The following ICMT variants were observed in gnomAD, a reference collection of about 807,000 sequenced individuals.
ICMT encodes the protein isoprenylcysteine carboxyl methyltransferase.
Under a neutral mutation model 32.2 loss-of-function variants are expected in ICMT, and 10 were observed. The observed-to-expected ratio is 0.31, with a 90% CI of 0.19 to 0.53. The LOEUF is 0.53. ICMT is among the 20% of genes least tolerant of loss of function. The probability of loss-of-function intolerance (pLI) is 0.96; values close to 1 mark genes in which losing one functional copy is unlikely to be tolerated. For synonymous variants in ICMT, 183 were observed against 158.2 expected (o/e 1.16, Z -1.18); for missense variants, 265 against 356.9 (o/e 0.74, Z 2.07).
intron 4 of ICMT, among the ~76,000 whole-genome samples, chr1:6,226,252 T>C (rs1049553420): frequency 6.6e-6 from 1 of 152,020 alleles, no homozygotes; most frequent in Non-Finnish European, 1.5e-5. Flanking sequence ...AAAAATTAGC[T>C]GGGCGTAGTG....
At chr1:6,227,080 A>G (rs928816622) in intron 4 of ICMT, among the ~76,000 whole-genome samples, 2 of 152,250 alleles carry the variant, frequency 1.3e-5, no homozygotes, top group Non-Finnish European at 2.9e-5. Flanking sequence ...TATTGAAATA[A>G]TAAGATAGAA....
rs548469569 is a variant in ICMT, at chr1:6,221,893, T to G, written c.*3187A>C. ...GGTAGCTTTGTTCTGACAGTACCTA[T>G]TTTCCACTTCAGAATCTCCACTTTA... On this transcript the variant is annotated 3_prime_UTR_variant, in exon 5 of 5. Coordinates refer to ENST00000343813, the MANE Select transcript of ICMT (RefSeq NM_012405.4). The G allele has an allele frequency of 6.6e-6, 1 of 152,220 alleles. No homozygotes were observed. Among genetic ancestry groups the G allele is most frequent in the Non-Finnish European group, 1.5e-5 (1 of 68,044 alleles). 9.4% of individuals were successfully genotyped at this position (152,220 alleles called of 1,614,324 possible).
chr1:6,224,339 C>G lies in ICMT; in HGVS notation c.*741G>C, dbSNP rs1668606637. The G allele has an allele frequency of 6.6e-6, 1 of 152,274 alleles. No homozygotes were observed. The highest frequency in any genetic ancestry group is 1.5e-5 in the Non-Finnish European group (1 of 68,028). 9.4% of individuals were successfully genotyped at this position (152,274 alleles called of 1,614,324 possible). A position where few individuals can be genotyped will look rare whatever the true frequency, so the allele number is the denominator to read the frequency against. On this transcript the variant is annotated 3_prime_UTR_variant, in exon 5 of 5. Transcript: ENST00000343813. Reference sequence around the variant, plus strand: ...GAGCTGAGACCCCCGGGAAAGCCAGCCAGGGCCATGATCCCCTTGGCCTGG... The same window carrying G: ...GAGCTGAGACCCCCGGGAAAGCCAGGCAGGGCCATGATCCCCTTGGCCTGG...
rs1668593822 is a variant in ICMT at position 6,223,507 on chromosome 1, AT to A, written c.*1572del. ...GCCATGAAATCTAGAAATAAGTCAT[AT>A]TTCTGAGTTGATAAAATGCTTTTCT... On this transcript the variant is annotated 3_prime_UTR_variant, in exon 5 of 5. Transcript: ENST00000343813. 6.6e-6 allele frequency: 1 copy of A among 152,432 alleles called. No individual in the cohort carries two copies. Among genetic ancestry groups the A allele is most frequent in the African/African-American group, 2.4e-5 (1 of 41,464 alleles). 9.4% of individuals were successfully genotyped at this position (152,432 alleles called of 1,614,324 possible).
Position 6,235,881 on chromosome 1 carries a change from C to T in ICMT, c.31G>A (p.Gly11Ser). The T allele has an allele frequency of 1.8e-6, 2 of 1,138,382 alleles. No homozygotes were observed. The highest frequency in any genetic ancestry group is 4.9e-5 in the Admixed American group (1 of 20,440). 70.5% of individuals were successfully genotyped at this position (1,138,382 alleles called of 1,614,324 possible). A position where few individuals can be genotyped will look rare whatever the true frequency, so the allele number is the denominator to read the frequency against. Residue 11 changes from glycine to serine, a missense_variant, in exon 1 of 5, where the codon GGC (glycine) becomes AGC (serine). By Grantham distance (56) the Gly-to-Ser change is moderately conservative. This residue lies in a region of ICMT where 99 missense variants were observed against 92.6 expected (regional missense o/e 1.07). Coordinates refer to ENST00000343813, the MANE Select transcript of ICMT (RefSeq NM_012405.4). Reference protein sequence around the residue: MAGCAARAPPGSEARLSLATF... With the variant: MAGCAARAPPSSEARLSLATF... ...GCGAGGCTGAGACGCGCCTCAGAGC[C>T]CGGCGGAGCCCGCGCCGCGCAGCCC...
chr1:6,232,967 C>A (rs1668760609), intron 3 of ICMT, among the ~76,000 whole-genome samples: 1 of 152,074 alleles, frequency 6.6e-6, no homozygotes, highest in Non-Finnish European at 1.5e-5. Flanking sequence ...AAGCAGTTCT[C>A]CTGCCTCAGC....
chr1:6,229,622 G>A (rs949737825), intron 4 of ICMT, among the ~76,000 whole-genome samples: 25 of 152,118 alleles, frequency 1.6e-4, no homozygotes, highest in African/African-American at 4.6e-4. Flanking sequence ...TTGTGACACC[G>A]CACTCCAGCC....
chr1:6,226,994 C>T (rs1478785434), intron 4 of ICMT, among the ~76,000 whole-genome samples: 2 of 152,240 alleles, frequency 1.3e-5, no homozygotes, highest in Non-Finnish European at 2.9e-5. Flanking sequence ...GCTGGGGATA[C>T]CCTACAGTGG....
rs1668725792 is a variant in ICMT, at chr1:6,230,921, G to T, written c.672+981C>A. Among the ~76,000 whole-genome samples the T allele has an allele frequency of 1.4e-5, 2 of 147,868 alleles. 1 individual carries two copies. Among genetic ancestry groups the T allele is most frequent in the South Asian group, 4.2e-4 (2 of 4,708 alleles). ...CAAAAAGGAAAAAAAAAAAAAAAAG[G>T]CCAGGCACTGTAGCTCAAGCCTGTA... On this transcript the variant is annotated intron_variant, in intron 4 of 4. Coordinates refer to ENST00000343813, the MANE Select transcript of ICMT (RefSeq NM_012405.4).
intron 4 of ICMT, among the ~76,000 whole-genome samples, chr1:6,229,797 CACACACACACACACACACACACACACAT>C (rs1442625393): frequency 3.7e-5 from 5 of 136,924 alleles, no homozygotes; most frequent in Non-Finnish European, 6.5e-5. Flanking sequence ...CACACACACA[CACACACACACACACACACACACACACAT>C]AGAGCAGGTG....
intron 4 of ICMT, among the ~76,000 whole-genome samples, chr1:6,226,179 T>C (rs1486409910): frequency 1.3e-5 from 2 of 152,148 alleles, no homozygotes; most frequent in Admixed American, 6.5e-5. Context: ...GCAGATCACC[T>C]GAGGTCAGGA....
rs1254216491 is a variant in ICMT, at chr1:6,221,576, C to A, written c.*3504G>T. On this transcript the variant is annotated 3_prime_UTR_variant, in exon 5 of 5. Coordinates refer to ENST00000343813, the MANE Select transcript of ICMT (RefSeq NM_012405.4). ...GTGCTGTGCGTATCGTGGGGGTACT[C>A]CTAAGCAGCTAGCTGTTGGCGAGAT... The A allele has an allele frequency of 1.3e-5, 2 of 152,670 alleles. No individual in the cohort carries two copies. Among genetic ancestry groups the A allele is most frequent in the African/African-American group, 4.8e-5 (2 of 41,458 alleles). The allele number at this position is 152,670 out of a possible 1,614,324, so 9.5% of individuals were successfully genotyped here. A position where few individuals can be genotyped will look rare whatever the true frequency, so the allele number is the denominator to read the frequency against.
At chr1:6,233,673 G>A (rs1405807506) in intron 2 of ICMT, 30 bp from the exon 3 acceptor site, 2 of 1,590,498 alleles carry the variant, frequency 1.3e-6, no homozygotes, top group Non-Finnish European at 1.7e-6. Flanking sequence ...GAGTTAAGTT[G>A]GGACAAGAGA....
At chr1:6,230,940 G>A (rs1002928390) in intron 4 of ICMT, among the ~76,000 whole-genome samples, 1 of 149,580 alleles carries the variant, frequency 6.7e-6, no homozygotes, top group East Asian at 2.0e-4. Flanking sequence ...TGTAGCTCAA[G>A]CCTGTAATCC....
In ICMT at chr1:6,235,869, G is replaced by T; in HGVS notation, c.43C>A (p.Arg15Ser). 1 of 1,179,716 alleles carries T rather than the reference G, an allele frequency of 8.5e-7. No individual in the cohort carries two copies. Among genetic ancestry groups the T allele is most frequent in the Non-Finnish European group, 1.0e-6 (1 of 954,340 alleles). The allele number at this position is 1,179,716 out of a possible 1,614,324, so 73.1% of individuals were successfully genotyped here. A position where few individuals can be genotyped will look rare whatever the true frequency, so the allele number is the denominator to read the frequency against. The change falls in exon 1 of 5, where the codon CGT becomes AGT. Residue 15 changes from arginine to serine, a missense_variant. Transcript: ENST00000343813. ...AARAPPGSEARLSLATFLLGA... is the reference protein window; with the variant it reads ...AARAPPGSEASLSLATFLLGA... ...AGCAGGAAGGTGGCGAGGCTGAGAC[G>T]CGCCTCAGAGCCCGGCGGAGCCCGC...
chr1:6,233,765 T>A (rs1404754351), intron 2 of ICMT, 122 bp from the exon 3 acceptor site: 23 of 721,972 alleles, frequency 3.2e-5, no homozygotes, highest in Non-Finnish European at 4.9e-5. Context: ...TGTCTGAGAG[T>A]GGACACAGGT....
intron 1 of ICMT, 61 bp from the exon 2 acceptor site, chr1:6,235,035 C>T: frequency 7.2e-7 from 1 of 1,397,216 alleles, no homozygotes; most frequent in Non-Finnish European, 1.0e-6. Flanking sequence ...ATCTGGGCTG[C>T]TGACCTTCCC....
intron 4 of ICMT, among the ~76,000 whole-genome samples, chr1:6,231,334 C>T (rs913916418): frequency 6.6e-6 from 1 of 152,130 alleles, no homozygotes; most frequent in Non-Finnish European, 1.5e-5. Context: ...ACATGAGTGA[C>T]AGAGGGCACT....
rs778706686 is a variant in ICMT at position 6,233,630 on chromosome 1, G to A, written c.298C>T (p.Leu100=). 3 of 1,611,614 alleles carry A rather than the reference G, an allele frequency of 1.9e-6. No homozygotes were observed. Among genetic ancestry groups the A allele is most frequent in the South Asian group, 2.2e-5 (2 of 90,452 alleles). ...TATTCAGAATAGTGGAACAATGACA[G>A]GGAGCACATGTACCTATTTAAAGAC... The part of the protein sequence containing the change: ...WSHFGWYMCS[L]SLFHYSEYLV... The change falls in exon 3 of 5, where the codon CTG becomes TTG. Residue 100 remains leucine, a synonymous_variant. Transcript: ENST00000343813.
Sources: gnomAD v4.1 joint callset for allele counts (sites outside exome capture counted in the v4.1 genomes callset) on GRCh38, gnomAD v4.1.1 for gene constraint, gnomAD v4.1.1 regional missense constraint, MANE v1.5 for transcripts, NCBI Gene and HGNC (gene_info 2026-07-23, HGNC 2026-07-21) for gene names.